FAF1: variants seen among roughly 807,000 people sequenced by gnomAD.
FAF1 encodes the protein Fas associated factor 1, also known as FAS-associated factor 1.
Under a neutral mutation model 92.5 loss-of-function variants are expected in FAF1, and 25 were observed. The ratio of observed to expected loss-of-function variants is 0.27; its 90% CI spans 0.20 to 0.38. The LOEUF is 0.38. Among genes scored for constraint, FAF1 ranks in the 10% least tolerant of loss-of-function variants. The pLI is 1.00. For synonymous variants in FAF1, 234 were observed against 273.2 expected (o/e 0.86, Z 1.42); for missense variants, 636 against 793.3 (o/e 0.80, Z 2.38).
intron 1 of FAF1, among the ~76,000 whole-genome samples, chr1:50,898,985 C>T (rs540549478): frequency 1.4e-4 from 22 of 152,264 alleles, no homozygotes; most frequent in African/African-American, 4.8e-4. Flanking sequence ...TCCAATTACA[C>T]GTTTTTTAGA....
At chr1:50,710,819 G>C (rs1657891860) in intron 6 of FAF1, among the ~76,000 whole-genome samples, 1 of 151,812 alleles carries the variant, frequency 6.6e-6, no homozygotes, top group South Asian at 2.1e-4. Context: ...AGCCAGGATG[G>C]TCTCAATTTC....
At chr1:50,573,431 G>A (rs1007163922) in intron 12 of FAF1, among the ~76,000 whole-genome samples, 2 of 151,816 alleles carry the variant, frequency 1.3e-5, no homozygotes, top group African/African-American at 4.8e-5. Context: ...GTGAGAGTGA[G>A]AAAAAGAAGA....
chr1:50,805,027 A>G (rs907129349), intron 2 of FAF1, among the ~76,000 whole-genome samples: 1 of 152,138 alleles, frequency 6.6e-6, no homozygotes, highest in African/African-American at 2.4e-5. Context: ...GCTAAATACT[A>G]ACTATCTCAT....
intron 6 of FAF1, among the ~76,000 whole-genome samples, chr1:50,706,278 T>C (rs2124424892): frequency 6.6e-6 from 1 of 151,746 alleles, no homozygotes; most frequent in East Asian, 2.0e-4. Flanking sequence ...GAAACAGCTG[T>C]TCTAGAATAA....
intron 4 of FAF1, among the ~76,000 whole-genome samples, chr1:50,786,131 C>CA (rs538951297): frequency 0.3 from 38,831 of 129,802 alleles, 5,629 homozygotes; most frequent in Middle Eastern, 0.48. Flanking sequence ...GACCCTGTCT[C>CA]AAAAAAAAAA....
intron 6 of FAF1, among the ~76,000 whole-genome samples, chr1:50,715,913 A>C (rs1053580045): frequency 3.3e-5 from 5 of 152,208 alleles, no homozygotes; most frequent in Non-Finnish European, 5.9e-5. Flanking sequence ...GAACATACAA[A>C]GCCATATATT....
At chr1:50,733,498 T>G (rs1341001874) in intron 6 of FAF1, among the ~76,000 whole-genome samples, 1 of 152,216 alleles carries the variant, frequency 6.6e-6, no homozygotes, top group Non-Finnish European at 1.5e-5. Context: ...GTGACTGTAC[T>G]TGGAGACAGC....
At chr1:50,715,635 A>G (rs764407807) in intron 6 of FAF1, among the ~76,000 whole-genome samples, 1 of 152,188 alleles carries the variant, frequency 6.6e-6, no homozygotes, top group Non-Finnish European at 1.5e-5. Context: ...TAGGCTTCCA[A>G]TGCTCTTTCA....
intron 8 of FAF1, among the ~76,000 whole-genome samples, chr1:50,598,519 C>T (rs957370892): frequency 6.7e-6 from 1 of 149,318 alleles, no homozygotes; most frequent in African/African-American, 2.5e-5. Context: ...ATTAACATGA[C>T]CTTTCCTAAC....
intron 4 of FAF1, among the ~76,000 whole-genome samples, chr1:50,749,120 G>C (rs1335684528): frequency 6.6e-6 from 1 of 152,194 alleles, no homozygotes; most frequent in East Asian, 1.9e-4. Context: ...TTTATGGAAA[G>C]AGTAGAAAAA....
intron 3 of FAF1, among the ~76,000 whole-genome samples, chr1:50,791,143 T>C (rs1661547859): frequency 6.6e-6 from 1 of 152,124 alleles, no homozygotes; most frequent in African/African-American, 2.4e-5. Flanking sequence ...AAGAAAGTAA[T>C]CTTGTACAAA....
intron 4 of FAF1, among the ~76,000 whole-genome samples, chr1:50,781,431 A>C (rs1031538658): frequency 2.0e-5 from 3 of 152,232 alleles, no homozygotes; most frequent in Non-Finnish European, 4.4e-5. Flanking sequence ...TTATATAATG[A>C]TAAAATGGTC....
chr1:50,743,362 C>G, intron 5 of FAF1, among the ~76,000 whole-genome samples: 1 of 152,280 alleles, frequency 6.6e-6, no homozygotes, highest in African/African-American at 2.4e-5. Context: ...GGGTCTCACT[C>G]TGTCGCCCAG....
chr1:50,906,307 T>C (rs1644837794), intron 1 of FAF1, among the ~76,000 whole-genome samples: 1 of 152,230 alleles, frequency 6.6e-6, no homozygotes, highest in South Asian at 2.1e-4. Context: ...TGAAGTCAGG[T>C]AACGTGATGC....
At chr1:50,899,060 T>C (rs1570115565) in intron 1 of FAF1, among the ~76,000 whole-genome samples, 1 of 152,336 alleles carries the variant, frequency 6.6e-6, no homozygotes, top group Middle Eastern at 3.4e-3. Context: ...CTGTTTTGTT[T>C]TGCATAATTC....
chr1:50,885,296 TCTCTCTCTCTCTCTCTCACACACACACA>T (rs1404022339), intron 1 of FAF1, among the ~76,000 whole-genome samples: 2 of 48,902 alleles, frequency 4.1e-5, no homozygotes, highest in East Asian at 2.6e-4. Flanking sequence ...CGTGTCTCTT[TCTCTCTCTCTCTCTCTCACACACACACA>T]CTCTCTCTCT....
intron 5 of FAF1, among the ~76,000 whole-genome samples, chr1:50,740,060 A>G (rs760990520): frequency 6.6e-6 from 1 of 152,180 alleles, no homozygotes; most frequent in Non-Finnish European, 1.5e-5. Flanking sequence ...CCTACTCTGT[A>G]TCAGGACTAC....
intron 1 of FAF1, among the ~76,000 whole-genome samples, chr1:50,913,880 T>C (rs1048843861): frequency 6.6e-6 from 1 of 152,204 alleles, no homozygotes; most frequent in Non-Finnish European, 1.5e-5. Context: ...ATTTGTTCTG[T>C]TTCCATGCTC....
chr1:50,547,280 T>C (rs1296317029), intron 13 of FAF1, among the ~76,000 whole-genome samples: 1 of 152,178 alleles, frequency 6.6e-6, no homozygotes, highest in East Asian at 1.9e-4. Context: ...CCAAAGGTAA[T>C]GTTAAGAAAA....
Sources: allele counts gnomAD v4.1 joint callset (sites outside exome capture counted in the v4.1 genomes callset), GRCh38; gene constraint gnomAD v4.1.1; transcripts MANE v1.5; gene names NCBI Gene and HGNC (gene_info 2026-07-23, HGNC 2026-07-21).